AK8: variants seen among roughly 807,000 people sequenced by gnomAD.
The protein encoded by AK8 is adenylate kinase 8, also known as ATP-AMP transphosphorylase 8.
A neutral mutation model predicts 54.6 loss-of-function variants in AK8; 44 were observed. The ratio of observed to expected loss-of-function variants is 0.81; its 90% confidence interval spans 0.63 to 1.04. The LOEUF (loss-of-function observed/expected upper bound fraction) is 1.04, where lower values mean the gene tolerates loss of function less well. Among genes scored for constraint, AK8 ranks in the 50% least tolerant of loss-of-function variants. The pLI, the probability that AK8 is intolerant of heterozygous loss-of-function variation, is 0.00. For synonymous variants in AK8, 239 were observed against 245.6 expected, an observed-to-expected ratio of 0.97 and a Z score of 0.25; for missense variants, 555 against 613.6, an observed-to-expected ratio of 0.90 and a Z score of 1.01.
rs552423641 is a variant in AK8, at chr9:132,846,821, T to C, written c.402+8036A>G. 4.6e-5 allele frequency among the ~76,000 whole-genome samples: 7 copies of C among 152,336 alleles called. No individual in the cohort carries two copies. In the South Asian group the frequency reaches 1.4e-3, roughly 32 times the overall value. On this transcript the variant is annotated intron_variant, in intron 5 of 12. Coordinates refer to ENST00000298545, the MANE Select transcript of AK8 (RefSeq NM_152572.3). ...GGTCTACCCTGGCCAGCCCTGCCGC[T>C]TCCCCCGGTGTGGCTCTGGGCGTGC...
At chr9:132,849,451 C>G (rs1023730901) in intron 5 of AK8, among the ~76,000 whole-genome samples, 8 of 152,162 alleles carry the variant, frequency 5.3e-5, no homozygotes. Context: ...ATATAGCCTG[C>G]AAAGCCTCAA....
chr9:132,736,610 C>G (rs1173324145), intron 11 of AK8, among the ~76,000 whole-genome samples: 10 of 151,022 alleles, frequency 6.6e-5, no homozygotes, highest in African/African-American at 9.7e-5. Context: ...ACAGTGAAAC[C>G]CCGTCTCTAC....
At chr9:132,855,042 C>T (rs1213309217) in intron 4 of AK8, 117 bp from the exon 5 acceptor site, 8 of 1,022,776 alleles carry the variant, frequency 7.8e-6, no homozygotes, top group Admixed American at 2.0e-5. Context: ...CGACCACCAT[C>T]GGGCCCCGCC....
chr9:132,743,134 A>G (rs73659468), intron 11 of AK8, among the ~76,000 whole-genome samples: 4,277 of 152,338 alleles, frequency 0.028, 191 homozygotes, highest in African/African-American at 0.097. Flanking sequence ...GCTGCAGTCA[A>G]TGTCATCTTT....
chr9:132,734,167 G>A (rs918305554), intron 11 of AK8, among the ~76,000 whole-genome samples: 2 of 152,180 alleles, frequency 1.3e-5, no homozygotes, highest in Non-Finnish European at 2.9e-5. Context: ...AGAATTATCT[G>A]GAAGGCTTGC....
Position 132,863,647 on chromosome 9 carries a change from C to A in AK8, c.333+18G>T. On this transcript the variant is annotated intron_variant, in intron 4 of 12. Coordinates refer to ENST00000298545, the MANE Select transcript of AK8 (RefSeq NM_152572.3). The stretch of plus-strand genomic sequence containing the variant: ...ACTGCTGCTGTGTGCCTACCCCTGT[C>A]CCCGGGGCCAGTCCTACCTTCCTTT... 6.3e-7 allele frequency: 1 copy of A among 1,579,936 alleles called. No homozygotes were observed. Among genetic ancestry groups the A allele is most frequent in the Non-Finnish European group, 8.7e-7 (1 of 1,150,464 alleles).
At chr9:132,838,980 G>A (rs1164222656) in intron 5 of AK8, among the ~76,000 whole-genome samples, 1 of 152,100 alleles carries the variant, frequency 6.6e-6, no homozygotes, top group African/African-American at 2.4e-5. Context: ...GTCTCCAACT[G>A]TCGCCCAGAT....
At chr9:132,787,592 G>C (rs548779131) in intron 11 of AK8, among the ~76,000 whole-genome samples, 1 of 152,098 alleles carries the variant, frequency 6.6e-6, no homozygotes, top group Non-Finnish European at 1.5e-5. Flanking sequence ...CTGTTTCTCA[G>C]GAAGTTACTG....
At chr9:132,798,952 G>A (rs998435103) in intron 10 of AK8, among the ~76,000 whole-genome samples, 6 of 152,146 alleles carry the variant, frequency 3.9e-5, no homozygotes, top group African/African-American at 7.2e-5. Context: ...GCTCCCTCCC[G>A]CACAGCAGTT....
intron 11 of AK8, among the ~76,000 whole-genome samples, chr9:132,737,572 C>T (rs897941588): frequency 6.6e-6 from 1 of 152,130 alleles, no homozygotes; most frequent in Non-Finnish European, 1.5e-5. Flanking sequence ...GGAAAGCTAA[C>T]ATTCAAAAGT....
chr9:132,794,435 A>T (rs575822627), intron 10 of AK8, among the ~76,000 whole-genome samples: 1 of 152,114 alleles, frequency 6.6e-6, no homozygotes, highest in East Asian at 1.9e-4. Flanking sequence ...TGCCTGGGCC[A>T]GCCTTCAAAC....
At position 132,866,876 on chromosome 9, in the gene AK8, A is replaced by G. The variant is rs745541436; in HGVS notation, c.219+28T>C. On this transcript the variant is annotated intron_variant, in intron 3 of 12. Transcript: ENST00000298545. ...TGGAGGATCAATGAGATATTACAGC[A>G]TCACAACACTTAATATGATACACTT... 4 of 1,609,822 alleles carry G rather than the reference A, an allele frequency of 2.5e-6. No homozygotes were observed. The South Asian group carries it at 3.3e-5, about 13-fold the overall frequency.
intron 2 of AK8, among the ~76,000 whole-genome samples, chr9:132,867,369 C>T (rs1320386855): frequency 1.3e-5 from 2 of 152,208 alleles, no homozygotes; most frequent in Admixed American, 1.3e-4. Flanking sequence ...AAATTGTATT[C>T]CCCATGATTT....
At chr9:132,794,916 G>A (rs1379741965) in intron 10 of AK8, among the ~76,000 whole-genome samples, 1 of 152,146 alleles carries the variant, frequency 6.6e-6, no homozygotes, top group Non-Finnish European at 1.5e-5. Context: ...GACCTGTTGT[G>A]ACCGGCTCAC....
chr9:132,820,675 C>T (rs567867886), intron 9 of AK8, among the ~76,000 whole-genome samples: 56 of 152,306 alleles, frequency 3.7e-4, no homozygotes, highest in African/African-American at 1.3e-3. Context: ...GTATATACTC[C>T]CATCATCCTA....
intron 11 of AK8, among the ~76,000 whole-genome samples, chr9:132,756,297 G>A (rs779364465): frequency 6.6e-6 from 1 of 152,188 alleles, no homozygotes; most frequent in Non-Finnish European, 1.5e-5. Context: ...AAAGCTTTGA[G>A]GCCCTCAGTT....
chr9:132,875,319 G>A, intron 1 of AK8, 120 bp from the exon 2 acceptor site: 1 of 1,494,442 alleles, frequency 6.7e-7, no homozygotes, highest in Non-Finnish European at 9.0e-7. Flanking sequence ...CTTCAACCTG[G>A]GACCCAGCCA....
At chr9:132,785,697 A>G (rs80014421) in intron 11 of AK8, among the ~76,000 whole-genome samples, 3,731 of 103,182 alleles carry the variant, frequency 0.036, 149 homozygotes, top group African/African-American at 0.091. Context: ...GTCATTTCAG[A>G]TTGAAGAAAA....
chr9:132,777,141 C>T (rs1279113105), intron 11 of AK8, among the ~76,000 whole-genome samples: 1 of 152,190 alleles, frequency 6.6e-6, no homozygotes, highest in East Asian at 1.9e-4. Flanking sequence ...GGGCCAGCCA[C>T]AGCCACAAAA....
Sources: allele counts gnomAD v4.1 joint callset (sites outside exome capture counted in the v4.1 genomes callset), GRCh38; gene constraint gnomAD v4.1.1; transcripts MANE v1.5; gene names NCBI Gene and HGNC (gene_info 2026-07-23, HGNC 2026-07-21).